The following SPTLC2 variants were observed in gnomAD, a reference collection of about 807,000 sequenced individuals.
SPTLC2 encodes serine palmitoyltransferase long chain base subunit 2.
In SPTLC2, 21 loss-of-function variants were observed where a neutral mutation model predicts 62.0. That is an observed-to-expected ratio of 0.34 (90% CI 0.24 to 0.49). The LOEUF (loss-of-function observed/expected upper bound fraction) is 0.49. SPTLC2 is among the 20% of genes least tolerant of loss of function. The pLI is 0.99. For synonymous variants in SPTLC2, 261 were observed against 261.8 expected, an observed-to-expected ratio of 1.00 and a Z score of 0.03; for missense variants, 511 against 713.0, an observed-to-expected ratio of 0.72 and a Z score of 3.23.
At chr14:77,531,459 C>T (rs1440281545) in intron 9 of SPTLC2, among the ~76,000 whole-genome samples, 3 of 125,986 alleles carry the variant, frequency 2.4e-5, no homozygotes, top group African/African-American at 1.0e-4. Context: ...CCTTCTCCTC[C>T]TCCTCCTCCT....
intron 9 of SPTLC2, among the ~76,000 whole-genome samples, chr14:77,534,682 AAAG>A (rs1387291331): frequency 1.3e-5 from 2 of 152,140 alleles, no homozygotes; most frequent in African/African-American, 2.4e-5. Context: ...CCAAAGGCAA[AAAG>A]AAGACTACAC....
At chr14:77,575,922 C>G (rs2079713128) in intron 4 of SPTLC2, among the ~76,000 whole-genome samples, 1 of 152,200 alleles carries the variant, frequency 6.6e-6, no homozygotes, top group Non-Finnish European at 1.5e-5. Context: ...TGAAGAAACC[C>G]AAGCTAGAAA....
At chr14:77,575,399 T>C (rs1016027673) in intron 4 of SPTLC2, among the ~76,000 whole-genome samples, 12 of 152,060 alleles carry the variant, frequency 7.9e-5, no homozygotes, top group African/African-American at 2.9e-4. Flanking sequence ...CATTTGGAGG[T>C]GGAGGAGGGC....
chr14:77,587,831 T>G (rs561869194), intron 2 of SPTLC2, among the ~76,000 whole-genome samples: 183 of 151,290 alleles, frequency 1.2e-3, no homozygotes, highest in Middle Eastern at 3.5e-3. Context: ...ACTAAAAGAT[T>G]TCAAGACATT....
intron 4 of SPTLC2, among the ~76,000 whole-genome samples, chr14:77,573,081 G>A (rs548732982): frequency 6.6e-6 from 1 of 152,226 alleles, no homozygotes; most frequent in African/African-American, 2.4e-5. Context: ...GGTGTAAGAG[G>A]CCTCGCTTTT....
chr14:77,575,287 A>T (rs548161734), intron 4 of SPTLC2, among the ~76,000 whole-genome samples: 1 of 152,116 alleles, frequency 6.6e-6, no homozygotes, highest in Non-Finnish European at 1.5e-5. Flanking sequence ...AAATCTGCAC[A>T]ATTTTATTTT....
At position 77,547,578 on chromosome 14, in the gene SPTLC2, T is replaced by G. The variant is rs544357618; in HGVS notation, c.1303+4518A>C. ...TGTTTTGTTTTAAAGAGACAAGGTCTCGCTATGTTGCCCAGGCTGGAGTGC... is the reference window on the plus strand; with the variant it reads ...TGTTTTGTTTTAAAGAGACAAGGTCGCGCTATGTTGCCCAGGCTGGAGTGC... On this transcript the variant is annotated intron_variant, in intron 9 of 11. Transcript: ENST00000216484. The G allele has an allele frequency of 3.3e-5, 5 of 152,500 alleles. No homozygotes were observed. In the East Asian group the frequency reaches 7.7e-4, roughly 24 times the overall value. 9.4% of individuals were successfully genotyped at this position (152,500 alleles called of 1,614,324 possible). A position where few individuals can be genotyped will look rare whatever the true frequency, so the allele number is the denominator to read the frequency against.
At position 77,510,073 on chromosome 14, in the gene SPTLC2, T is replaced by A. The variant is rs749774033; in HGVS notation, c.*2211A>T. The A allele has an allele frequency of 5.0e-6, 2 of 396,972 alleles. No homozygotes were observed. Among genetic ancestry groups the A allele is most frequent in the Non-Finnish European group, 8.9e-6 (2 of 225,436 alleles). 24.6% of individuals were successfully genotyped at this position (396,972 alleles called of 1,614,324 possible). On this transcript the variant is annotated 3_prime_UTR_variant, in exon 12 of 12. Coordinates refer to ENST00000216484, the MANE Select transcript of SPTLC2 (RefSeq NM_004863.4). ...GTGGTATTCCAGTGGGATTCTATGGTAGGAAACTAGATGTGCAGAAAAGGT... is the reference window on the plus strand; with the variant it reads ...GTGGTATTCCAGTGGGATTCTATGGAAGGAAACTAGATGTGCAGAAAAGGT...
chr14:77,574,018 G>A (rs778356773), intron 4 of SPTLC2, among the ~76,000 whole-genome samples: 11 of 152,304 alleles, frequency 7.2e-5, no homozygotes, highest in South Asian at 4.1e-4. Context: ...GATTGCTGTC[G>A]ACACCAGAAG....
intron 9 of SPTLC2, among the ~76,000 whole-genome samples, chr14:77,527,552 T>C (rs1019088291): frequency 1.3e-5 from 2 of 152,196 alleles, no homozygotes; most frequent in African/African-American, 2.4e-5. Flanking sequence ...TGCTTTTCAG[T>C]CATTTTTAAA....
chr14:77,521,707 A>T, intron 9 of SPTLC2, 126 bp from the exon 10 acceptor site: 1 of 856,590 alleles, frequency 1.2e-6, no homozygotes, highest in Non-Finnish European at 1.9e-6. Flanking sequence ...ATTTCACCAT[A>T]AAATATTTTA....
At chr14:77,534,588 T>TATACACACAC (rs1555373988) in intron 9 of SPTLC2, among the ~76,000 whole-genome samples, 5 of 141,128 alleles carry the variant, frequency 3.5e-5, no homozygotes, top group African/African-American at 1.3e-4. Context: ...CATATTTCAG[T>TATACACACAC]ACACACACAC....
intron 2 of SPTLC2, among the ~76,000 whole-genome samples, chr14:77,579,815 TTATCAGA>T (rs1235444113): frequency 1.3e-5 from 2 of 152,176 alleles, no homozygotes; most frequent in Non-Finnish European, 2.9e-5. Flanking sequence ...AACACAACTC[TTATCAGA>T]TAAAAGTCAC....
rs918811107 is a variant in SPTLC2, at chr14:77,568,791, G to C, written c.756+1593C>G. On this transcript the variant is annotated intron_variant, in intron 5 of 11. Coordinates refer to ENST00000216484, the MANE Select transcript of SPTLC2 (RefSeq NM_004863.4). ...CCACTGCACTCCAGCCTGGGCAAGA[G>C]AGCGAGACTCTGTCTCAAAAAAAAA... 3.5e-5 allele frequency among the ~76,000 whole-genome samples: 5 copies of C among 142,884 alleles called. No homozygotes were observed. In the Admixed American group the frequency reaches 3.6e-4, roughly 10 times the overall value. The allele number at this position is 142,884 out of a possible 152,430, so 93.7% of individuals were successfully genotyped here.
chr14:77,614,890 G>T (rs2079957616), intron 1 of SPTLC2, among the ~76,000 whole-genome samples: 1 of 150,472 alleles, frequency 6.6e-6, no homozygotes, highest in South Asian at 2.1e-4. Flanking sequence ...AGAATCGCTT[G>T]AACCCAGGGG....
At chr14:77,609,739 A>C (rs558743404) in intron 1 of SPTLC2, among the ~76,000 whole-genome samples, 15 of 152,152 alleles carry the variant, frequency 9.9e-5, no homozygotes, top group Non-Finnish European at 1.8e-4. Context: ...AAAAAAAAAA[A>C]ATTTTGCCAC....
chr14:77,525,590 G>GGA (rs2079405145), intron 9 of SPTLC2, among the ~76,000 whole-genome samples: 1 of 140,150 alleles, frequency 7.1e-6, no homozygotes, highest in African/African-American at 2.8e-5. Flanking sequence ...ACTCCGTCTC[G>GGA]AAAAAAAAAA....
chr14:77,552,312 T>A, intron 8 of SPTLC2, 90 bp from the exon 9 acceptor site: 2 of 1,467,704 alleles, frequency 1.4e-6, no homozygotes, highest in Non-Finnish European at 1.9e-6. Flanking sequence ...AGAGGACTCC[T>A]CACTTCAATG....
intron 2 of SPTLC2, among the ~76,000 whole-genome samples, chr14:77,588,540 AC>A (rs1276498737): frequency 8.1e-5 from 12 of 147,854 alleles, no homozygotes; most frequent in East Asian, 4.0e-4. Context: ...AAAAAAAAAA[AC>A]AAAAATTAGC....
Sources: allele counts gnomAD v4.1 joint callset (sites outside exome capture counted in the v4.1 genomes callset), GRCh38; gene constraint gnomAD v4.1.1; transcripts MANE v1.5; gene names NCBI Gene and HGNC (gene_info 2026-07-23, HGNC 2026-07-21).